Variants in TBKBP1 observed in about 807,000 individuals in gnomAD.
TBKBP1 encodes the protein TANK-binding kinase 1-binding protein 1.
In TBKBP1, 47 loss-of-function variants were observed where a neutral mutation model predicts 69.9. That is an observed-to-expected ratio of 0.67 (90% CI 0.53 to 0.86). The LOEUF (loss-of-function observed/expected upper bound fraction) is 0.86, where lower values mean the gene tolerates loss of function less well. TBKBP1 is among the 40% of genes least tolerant of loss of function. The pLI is 0.00. For missense variants in TBKBP1, 831 were observed against 858.6 expected, an observed-to-expected ratio of 0.97 and a Z score of 0.40; for synonymous variants, 418 against 390.3, an observed-to-expected ratio of 1.07 and a Z score of -0.84.
In TBKBP1 at chr17:47,696,104, G is replaced by GC; in HGVS notation, c.-6dup. 6.2e-7 allele frequency: 1 copy of GC among 1,604,144 alleles called. No homozygotes were observed. Among genetic ancestry groups the GC allele is most frequent in the Non-Finnish European group, 8.5e-7 (1 of 1,175,806 alleles). On this transcript the variant is annotated 5_prime_UTR_variant, in exon 2 of 10. Transcript: ENST00000578982. ...GAGGCCCCGTGTGGGCCGCGGCCCG[G>GC]CCCTCACCATGGAGTCCATGTTCGA...
rs1420241313 is a variant in TBKBP1, at chr17:47,711,437, C to T, written c.*811C>T. On this transcript the variant is annotated 3_prime_UTR_variant, in exon 10 of 10. Coordinates refer to ENST00000578982, the MANE Select transcript of TBKBP1 (RefSeq NM_001394755.1). ...CAGATCGTCAAGGCAGGTACCCCCT[C>T]AACCCTTCTTCCACTGGAGCCCCTG... 1 of 152,822 alleles carries T rather than the reference C, an allele frequency of 6.5e-6. No homozygotes were observed. The highest frequency in any genetic ancestry group is 1.5e-5 in the Non-Finnish European group (1 of 68,174). 9.5% of individuals were successfully genotyped at this position (152,822 alleles called of 1,614,324 possible).
intron 7 of TBKBP1, among the ~76,000 whole-genome samples, chr17:47,705,024 G>A (rs1242875966): frequency 1.3e-5 from 2 of 152,062 alleles, no homozygotes; most frequent in African/African-American, 2.4e-5. Context: ...CCTCTTAATC[G>A]CCCTGATTTT....
Position 47,710,743 on chromosome 17 carries a change from T to G in TBKBP1, c.*117T>G, listed in dbSNP as rs549070717. On this transcript the variant is annotated 3_prime_UTR_variant, in exon 10 of 10. Coordinates refer to ENST00000578982, the MANE Select transcript of TBKBP1 (RefSeq NM_001394755.1). ...CCTGCCCTTGCGACCCCCAGATACC[T>G]CCACTTGCTACCGAGTCAACGTGTG... 4 of 1,396,648 alleles carry G rather than the reference T, an allele frequency of 2.9e-6. No homozygotes were observed. The East Asian group carries it at 7.2e-5, about 25-fold the overall frequency. The allele number at this position is 1,396,648 out of a possible 1,614,324, so 86.5% of individuals were successfully genotyped here. A position where few individuals can be genotyped will look rare whatever the true frequency, so the allele number is the denominator to read the frequency against.
intron 9 of TBKBP1, 67 bp from the exon 10 acceptor site, chr17:47,710,431 C>A: frequency 6.4e-7 from 1 of 1,566,562 alleles, no homozygotes; most frequent in Non-Finnish European, 8.7e-7. Context: ...TGGGACAGGG[C>A]AGGCTGGGAT....
At chr17:47,706,884 C>T (rs990848354) in intron 7 of TBKBP1, among the ~76,000 whole-genome samples, 5 of 151,816 alleles carry the variant, frequency 3.3e-5, no homozygotes, top group African/African-American at 9.7e-5. Context: ...CACACCCCTA[C>T]GCTCATTCAC....
rs375810891 is a variant in TBKBP1 at position 47,710,651 on chromosome 17, T to C, written c.*25T>C. 35 of 1,587,058 alleles carry C rather than the reference T, an allele frequency of 2.2e-5. No homozygotes were observed. The highest frequency in any genetic ancestry group is 3.4e-5 in the Admixed American group (2 of 59,456). ...GGGCACCAGCCCCACCCACTGGCTG[T>C]TTCTCCGTCCTCTCCTATCACCCCC... On this transcript the variant is annotated 3_prime_UTR_variant, in exon 10 of 10. Coordinates refer to ENST00000578982, the MANE Select transcript of TBKBP1 (RefSeq NM_001394755.1).
Position 47,708,773 on chromosome 17 carries a change from G to GGGCCC in TBKBP1, c.1040_1041insGGCCC (p.Cys347TrpfsTer108). ...CAACGCCACTCCCCGGCCCCCCAGT[G>GGGCCC]CCCCTCCCCCTCCCCGCCTGCCCGA... On this transcript the variant is annotated frameshift_variant, in exon 9 of 10. Coordinates refer to ENST00000578982, the MANE Select transcript of TBKBP1 (RefSeq NM_001394755.1). LOFTEE classifies it high-confidence loss of function. The surrounding 1 kb of genome is among the most constrained non-coding windows in gnomAD (Gnocchi z 4.4). 1 of 881,982 alleles carries GGGCCC rather than the reference G, an allele frequency of 1.1e-6. No individual in the cohort carries two copies. The highest frequency in any genetic ancestry group is 1.6e-6 in the Non-Finnish European group (1 of 612,606). The allele number at this position is 881,982 out of a possible 1,614,324, so 54.6% of individuals were successfully genotyped here. A position where few individuals can be genotyped will look rare whatever the true frequency, so the allele number is the denominator to read the frequency against.
At chr17:47,705,303 T>C (rs1271960341) in intron 7 of TBKBP1, among the ~76,000 whole-genome samples, 1 of 152,240 alleles carries the variant, frequency 6.6e-6, no homozygotes, top group Non-Finnish European at 1.5e-5. Context: ...TTTGGTCAAG[T>C]AACTTAACCT....
chr17:47,695,992 C>T (rs1173032637), intron 1 of TBKBP1, 87 bp from the exon 2 acceptor site: 2 of 748,184 alleles, frequency 2.7e-6, no homozygotes, highest in South Asian at 1.9e-5. Flanking sequence ...TCTTAGCCGG[C>T]CCCAGGGAGT....
At chr17:47,701,697 C>A (rs893065646) in intron 7 of TBKBP1, among the ~76,000 whole-genome samples, 1 of 152,196 alleles carries the variant, frequency 6.6e-6, no homozygotes, top group Admixed American at 6.5e-5. Flanking sequence ...AGGGGCAGGG[C>A]TCCCAGGGGC....
intron 4 of TBKBP1, 49 bp from the exon 5 acceptor site, chr17:47,698,545 TG>T: frequency 6.6e-7 from 1 of 1,508,036 alleles, no homozygotes; most frequent in Non-Finnish European, 8.9e-7. Context: ...TCTCCAGACA[TG>T]GGGAAGTCCT....
chr17:47,700,318 G>T (rs11656306), intron 7 of TBKBP1, among the ~76,000 whole-genome samples: 77,863 of 82,836 alleles, frequency 0.94, 36,449 homozygotes, highest in Admixed American at 0.96. Flanking sequence ...TTTTTTTTTG[G>T]ATTTTTAGTA....
Position 47,696,111 on chromosome 17 carries a change from C to T in TBKBP1, c.-2C>T. The T allele has an allele frequency of 6.2e-7, 1 of 1,608,046 alleles. No homozygotes were observed. The highest frequency in any genetic ancestry group is 8.5e-7 in the Non-Finnish European group (1 of 1,177,568). The stretch of plus-strand genomic sequence containing the variant: ...CGTGTGGGCCGCGGCCCGGCCCTCA[C>T]CATGGAGTCCATGTTCGAGGACGAC... On this transcript the variant is annotated 5_prime_UTR_variant, in exon 2 of 10. Transcript: ENST00000578982.
Position 47,710,730 on chromosome 17 carries a change from A to C in TBKBP1, c.*104A>C. 3 of 1,420,722 alleles carry C rather than the reference A, an allele frequency of 2.1e-6. No homozygotes were observed. The highest frequency in any genetic ancestry group is 1.4e-5 in the South Asian group (1 of 71,818). 88.0% of individuals were successfully genotyped at this position (1,420,722 alleles called of 1,614,324 possible). On this transcript the variant is annotated 3_prime_UTR_variant, in exon 10 of 10. Transcript: ENST00000578982. ...CTCGTGGGGGGTCCCTGCCCTTGCG[A>C]CCCCCAGATACCTCCACTTGCTACC...
chr17:47,698,295 T>C (rs2031331643), intron 4 of TBKBP1, among the ~76,000 whole-genome samples: 1 of 152,230 alleles, frequency 6.6e-6, no homozygotes, highest in South Asian at 2.1e-4. Context: ...TTGTCATGTA[T>C]GCAAATGGAA....
At position 47,708,616 on chromosome 17, in the gene TBKBP1, T is replaced by C; in HGVS notation, c.991+104T>C. 1 of 1,453,528 alleles carries C rather than the reference T, an allele frequency of 6.9e-7. No individual in the cohort carries two copies. Among genetic ancestry groups the C allele is most frequent in the Non-Finnish European group, 9.3e-7 (1 of 1,072,854 alleles). The allele number at this position is 1,453,528 out of a possible 1,614,324, so 90.0% of individuals were successfully genotyped here. A position where few individuals can be genotyped will look rare whatever the true frequency, so the allele number is the denominator to read the frequency against. On this transcript the variant is annotated intron_variant, in intron 8 of 9. Transcript: ENST00000578982. The surrounding 1 kb of genome is among the most constrained non-coding windows in gnomAD (Gnocchi z 4.4). ...GGGGACCACCCTTTATTTCCTTTCC[T>C]GTGGCCTGGAGTTGGTGGGCATGGG...
intron 1 of TBKBP1, among the ~76,000 whole-genome samples, chr17:47,694,456 G>A (rs895627894): frequency 6.6e-6 from 1 of 152,090 alleles, no homozygotes; most frequent in African/African-American, 2.4e-5. Context: ...CCGGTTGTGG[G>A]GGAGGGGGCT....
At chr17:47,701,437 G>A (rs187510127) in intron 7 of TBKBP1, among the ~76,000 whole-genome samples, 146 of 152,126 alleles carry the variant, frequency 9.6e-4, no homozygotes, top group African/African-American at 3.4e-3. Context: ...TCATGATGTA[G>A]GGCCCTTCAT....
At position 47,709,334 on chromosome 17, in the gene TBKBP1, G is replaced by A. The variant is rs2031834707; in HGVS notation, c.1601G>A (p.Ser534Asn). ...DEWAVPTSPP[S>N]PEVGTIRCAS... Reference sequence around the variant, plus strand: ...TGGGCTGTGCCCACCAGCCCGCCCAGCCCGGAGGTGGGCACCATCCGCTGC... The same window carrying A: ...TGGGCTGTGCCCACCAGCCCGCCCAACCCGGAGGTGGGCACCATCCGCTGC... The change falls in exon 9 of 10, where the codon AGC becomes AAC. Residue 534 changes from serine (S) to asparagine (N), a missense_variant. Transcript: ENST00000578982. 1 of 1,526,658 alleles carries A rather than the reference G, an allele frequency of 6.6e-7. No homozygotes were observed. Among genetic ancestry groups the A allele is most frequent in the East Asian group, 2.5e-5 (1 of 39,874 alleles). The allele number at this position is 1,526,658 out of a possible 1,614,324, so 94.6% of individuals were successfully genotyped here. A position where few individuals can be genotyped will look rare whatever the true frequency, so the allele number is the denominator to read the frequency against.
Sources: gnomAD v4.1 joint callset for allele counts (sites outside exome capture counted in the v4.1 genomes callset) on GRCh38, gnomAD v4.1.1 for gene constraint, Gnocchi (gnomAD v3.1) non-coding constraint, MANE v1.5 for transcripts, NCBI Gene and HGNC (gene_info 2026-07-23, HGNC 2026-07-21) for gene names.